YAP1: variants seen among roughly 807,000 people sequenced by gnomAD.
The protein encoded by YAP1 is transcriptional coactivator YAP1.
In YAP1, 5 loss-of-function variants were observed where a neutral mutation model predicts 56.9. The ratio of observed to expected loss-of-function variants is 0.09; its 90% CI spans 0.05 to 0.18. YAP1 has a LOEUF of 0.18. Among genes scored for constraint, YAP1 ranks in the 10% least tolerant of loss-of-function variants. The probability of loss-of-function intolerance (pLI) is 1.00; values close to 1 mark genes in which losing one functional copy is unlikely to be tolerated. For synonymous variants in YAP1, 265 were observed against 248.1 expected, an observed-to-expected ratio of 1.07 and a Z score of -0.64; for missense variants, 539 against 651.8, an observed-to-expected ratio of 0.83 and a Z score of 1.88.
At chr11:102,128,792 T>A (rs1007493190) in intron 2 of YAP1, among the ~76,000 whole-genome samples, 3 of 152,212 alleles carry the variant, frequency 2.0e-5, no homozygotes. Flanking sequence ...TTATGTATGA[T>A]AAGGGAGGTA....
intron 6 of YAP1, among the ~76,000 whole-genome samples, chr11:102,210,879 A>C (rs1462235399): frequency 6.6e-6 from 1 of 152,072 alleles, no homozygotes; most frequent in Non-Finnish European, 1.5e-5. Context: ...CAGCCTCCCA[A>C]GTAGCTGGGA....
At chr11:102,122,800 A>G (rs1943742754) in intron 2 of YAP1, among the ~76,000 whole-genome samples, 1 of 146,218 alleles carries the variant, frequency 6.8e-6, no homozygotes, top group Non-Finnish European at 1.5e-5. Flanking sequence ...AGGCAGAGGC[A>G]GGATAATCGT....
At chr11:102,136,648 G>A (rs190284992) in intron 2 of YAP1, among the ~76,000 whole-genome samples, 5 of 152,084 alleles carry the variant, frequency 3.3e-5, no homozygotes, top group African/African-American at 7.2e-5. Context: ...CCACTGCACC[G>A]GGCTCATTTT....
At chr11:102,157,304 T>G (rs1946012174) in intron 2 of YAP1, among the ~76,000 whole-genome samples, 1 of 152,192 alleles carries the variant, frequency 6.6e-6, no homozygotes, top group African/African-American at 2.4e-5. Context: ...TAGTTGTGGT[T>G]TAGGAACTGT....
At chr11:102,157,377 G>T (rs1946017370) in intron 2 of YAP1, among the ~76,000 whole-genome samples, 1 of 152,124 alleles carries the variant, frequency 6.6e-6, no homozygotes, top group Non-Finnish European at 1.5e-5. Context: ...AAGCGTGTAG[G>T]TTTAGCTAGT....
At chr11:102,225,532 T>C (rs1480914715) in intron 7 of YAP1, among the ~76,000 whole-genome samples, 1 of 152,150 alleles carries the variant, frequency 6.6e-6, no homozygotes, top group Non-Finnish European at 1.5e-5. Flanking sequence ...GTTTTTCCCT[T>C]GTTTACTATT....
intron 3 of YAP1, among the ~76,000 whole-genome samples, chr11:102,178,490 G>A (rs11605954): frequency 0.36 from 54,929 of 151,980 alleles, 10,079 homozygotes; most frequent in Admixed American, 0.42. Context: ...TAATGCAAGA[G>A]GGTCCTTAGG....
At chr11:102,213,607 A>G (rs1045466864) in intron 6 of YAP1, among the ~76,000 whole-genome samples, 2 of 152,236 alleles carry the variant, frequency 1.3e-5, no homozygotes, top group African/African-American at 4.8e-5. Context: ...CACTGGTTCC[A>G]GTTAAGCCAG....
chr11:102,174,749 A>C (rs2135453408), intron 3 of YAP1, among the ~76,000 whole-genome samples: 3 of 152,310 alleles, frequency 2.0e-5, no homozygotes, highest in Middle Eastern at 6.8e-3. Context: ...ATACAAAGAC[A>C]AAAAAGTCAG....
rs1347509566 is a variant in YAP1, at chr11:102,114,050, A to T, written c.322-94A>T. Reference sequence around the variant, plus strand: ...GTTGAAATTTTCCTTTGGTACTTAGATATTCGGCTGCAATTAAGCGCTGAC... The same window carrying T: ...GTTGAAATTTTCCTTTGGTACTTAGTTATTCGGCTGCAATTAAGCGCTGAC... On this transcript the variant is annotated intron_variant, in intron 1 of 8. Transcript: ENST00000282441. The T allele has an allele frequency of 4.4e-6, 6 of 1,360,618 alleles. 1 individual carries two copies. The highest frequency in any genetic ancestry group is 3.9e-4 in the Middle Eastern group (2 of 5,174). The allele number at this position is 1,360,618 out of a possible 1,614,324, so 84.3% of individuals were successfully genotyped here.
At chr11:102,126,811 C>CT (rs1944061432) in intron 2 of YAP1, among the ~76,000 whole-genome samples, 1 of 152,162 alleles carries the variant, frequency 6.6e-6, no homozygotes, top group South Asian at 2.1e-4. Flanking sequence ...CTAGAGACTT[C>CT]TTGAATGGCT....
chr11:102,224,052 GT>G (rs1950077849), intron 7 of YAP1, among the ~76,000 whole-genome samples: 1 of 152,202 alleles, frequency 6.6e-6, no homozygotes, highest in Admixed American at 6.5e-5. Flanking sequence ...GAAGGAACAT[GT>G]GAATGCCTTT....
chr11:102,112,757 T>G, intron 1 of YAP1: 1 of 985,386 alleles, frequency 1.0e-6, no homozygotes, highest in South Asian at 4.7e-5. Flanking sequence ...TATGCTTTTT[T>G]CTCTTACCCC....
chr11:102,125,463 G>A (rs1942680), intron 2 of YAP1, among the ~76,000 whole-genome samples: 87,778 of 148,986 alleles, frequency 0.59, 26,411 homozygotes, highest in South Asian at 0.74. Flanking sequence ...TGCAGCCTCC[G>A]CCTCCTGGGT....
intron 1 of YAP1, chr11:102,112,622 G>A (rs1234218699): frequency 1.0e-6 from 1 of 984,710 alleles, no homozygotes; most frequent in Non-Finnish European, 1.2e-6. Context: ...GTCTCCTGTC[G>A]GAGACCAAAG....
intron 5 of YAP1, 40 bp from the exon 6 acceptor site, chr11:102,209,477 G>A (rs758220990): frequency 8.2e-6 from 13 of 1,583,804 alleles, no homozygotes; most frequent in Admixed American, 3.5e-5. Context: ...AGACCATGTG[G>A]CTTAAAGTAA....
chr11:102,158,360 T>C (rs543299556), intron 2 of YAP1, among the ~76,000 whole-genome samples: 7 of 152,340 alleles, frequency 4.6e-5, no homozygotes, highest in South Asian at 4.1e-4. Flanking sequence ...ACACAAAATA[T>C]TTACCCTCCA....
intron 2 of YAP1, among the ~76,000 whole-genome samples, chr11:102,125,040 A>ATT (rs746473496): frequency 7.0e-6 from 1 of 141,896 alleles, no homozygotes; most frequent in Admixed American, 7.1e-5. Context: ...GCCTAGCCAG[A>ATT]TTTTTTTTTT....
intron 3 of YAP1, 94 bp from the exon 4 acceptor site, chr11:102,185,924 G>T: frequency 8.2e-7 from 1 of 1,221,736 alleles, no homozygotes; most frequent in Non-Finnish European, 1.1e-6. Flanking sequence ...TTTATGTTAA[G>T]ATGTGTTTTC....
Sources: gnomAD v4.1 joint callset for allele counts (sites outside exome capture counted in the v4.1 genomes callset) on GRCh38, gnomAD v4.1.1 for gene constraint, MANE v1.5 for transcripts, NCBI Gene and HGNC (gene_info 2026-07-23, HGNC 2026-07-21) for gene names.